The following NPAS3 variants were observed in gnomAD, a reference collection of about 807,000 sequenced individuals.
NPAS3 encodes the protein neuronal PAS domain-containing protein 3.
NPAS3 carries 14 observed loss-of-function variants against 73.1 expected under a neutral mutation model. That is an observed-to-expected ratio of 0.19 (90% confidence interval 0.13 to 0.30). The LOEUF (loss-of-function observed/expected upper bound fraction) is 0.30, where lower values mean the gene tolerates loss of function less well. Ranked by LOEUF, NPAS3 falls within the 10% of genes least tolerant of loss-of-function variation. The pLI, the probability that NPAS3 is intolerant of heterozygous loss-of-function variation, is 1.00. For missense variants in NPAS3, 1,096 were observed against 1,250.0 expected, an observed-to-expected ratio of 0.88 and a Z score of 1.86; for synonymous variants, 620 against 541.5, an observed-to-expected ratio of 1.14 and a Z score of -2.01.
At chr14:33,789,933 G>A (rs2063307876) in intron 9 of NPAS3, among the ~76,000 whole-genome samples, 1 of 152,128 alleles carries the variant, frequency 6.6e-6, no homozygotes. Context: ...GCTTTGACAC[G>A]ATCAGTGAAT....
intron 3 of NPAS3, among the ~76,000 whole-genome samples, chr14:33,317,677 G>A (rs1202735509): frequency 6.6e-6 from 1 of 152,028 alleles, no homozygotes; most frequent in African/African-American, 2.4e-5. Flanking sequence ...GTGTGAAGAA[G>A]GATGTATTTG....
intron 2 of NPAS3, among the ~76,000 whole-genome samples, chr14:33,131,349 A>G (rs933022917): frequency 4.9e-4 from 74 of 152,066 alleles, no homozygotes; most frequent in African/African-American, 1.6e-3. Flanking sequence ...AAATGACCCC[A>G]TTTGATATTC....
At chr14:33,470,804 C>G (rs1028308518) in intron 4 of NPAS3, among the ~76,000 whole-genome samples, 2 of 152,060 alleles carry the variant, frequency 1.3e-5, no homozygotes, top group African/African-American at 4.8e-5. Flanking sequence ...CTGAAGTTAA[C>G]TAGACACACT....
In NPAS3 at chr14:33,000,571, G is replaced by A. The variant is rs527978181; in HGVS notation, c.51-55334G>A. 8.5e-5 allele frequency among the ~76,000 whole-genome samples: 13 copies of A among 152,298 alleles called. No individual in the cohort carries two copies. The South Asian group carries it at 1.0e-3, about 12-fold the overall frequency. On this transcript the variant is annotated intron_variant, in intron 1 of 11. Coordinates refer to ENST00000356141, the Ensembl canonical transcript of NPAS3. Reference sequence around the variant, plus strand: ...GTTGGGTTTATGAAGCACTGACAGCGTAGGGCAATATATGAGGCATGTAGG... The same window carrying A: ...GTTGGGTTTATGAAGCACTGACAGCATAGGGCAATATATGAGGCATGTAGG...
At chr14:33,473,865 T>A (rs994959849) in intron 4 of NPAS3, among the ~76,000 whole-genome samples, 2 of 152,194 alleles carry the variant, frequency 1.3e-5, no homozygotes, top group African/African-American at 4.8e-5. Flanking sequence ...GCACTACAAT[T>A]GCAAAGTTAA....
chr14:33,499,826 G>C (rs1406068501), intron 4 of NPAS3, among the ~76,000 whole-genome samples: 1 of 151,868 alleles, frequency 6.6e-6, no homozygotes, highest in Non-Finnish European at 1.5e-5. Flanking sequence ...CATTTTTCTT[G>C]CTTTCCCGCT....
chr14:33,021,996 TGGCTGAAGTCGCA>T (rs904991325), intron 1 of NPAS3, among the ~76,000 whole-genome samples: 17 of 152,304 alleles, frequency 1.1e-4, no homozygotes, highest in African/African-American at 4.1e-4. Flanking sequence ...TTAGGTGGTG[TGGCTGAAGTCGCA>T]GGCTGGACAT....
At chr14:33,226,061 G>A (rs975261886) in intron 3 of NPAS3, among the ~76,000 whole-genome samples, 3 of 152,154 alleles carry the variant, frequency 2.0e-5, no homozygotes, top group African/African-American at 7.2e-5. Context: ...GCTATCCATA[G>A]ATGTATATGC....
At chr14:33,716,736 G>A (rs532952153) in intron 6 of NPAS3, among the ~76,000 whole-genome samples, 56 of 151,992 alleles carry the variant, frequency 3.7e-4, no homozygotes, top group African/African-American at 1.2e-3. Context: ...TTGTGTTTTG[G>A]AGTATTTTCC....
At chr14:33,128,734 T>C (rs943563704) in intron 2 of NPAS3, among the ~76,000 whole-genome samples, 16 of 152,128 alleles carry the variant, frequency 1.1e-4, no homozygotes, top group African/African-American at 3.9e-4. Flanking sequence ...AATGAATGAA[T>C]GAATTGAATA....
chr14:33,734,604 A>G (rs2061479414), intron 6 of NPAS3, among the ~76,000 whole-genome samples: 2 of 152,172 alleles, frequency 1.3e-5, no homozygotes, highest in South Asian at 2.1e-4. Flanking sequence ...GAAAGTTGGT[A>G]TCGTGAGTAG....
At chr14:33,380,382 C>T (rs2046494804) in intron 4 of NPAS3, among the ~76,000 whole-genome samples, 1 of 152,062 alleles carries the variant, frequency 6.6e-6, no homozygotes, top group South Asian at 2.1e-4. Flanking sequence ...GGACTCGCTA[C>T]TATCTTCTGT....
chr14:33,740,613 G>A (rs779777112), intron 7 of NPAS3, among the ~76,000 whole-genome samples: 4 of 152,188 alleles, frequency 2.6e-5, no homozygotes, highest in Non-Finnish European at 4.4e-5. Flanking sequence ...ACCGTGATCT[G>A]GCTCACATTT....
intron 2 of NPAS3, among the ~76,000 whole-genome samples, chr14:33,102,251 G>GC (rs1295480401): frequency 6.6e-6 from 1 of 152,142 alleles, no homozygotes; most frequent in Non-Finnish European, 1.5e-5. Flanking sequence ...ATAGAACAGA[G>GC]TACACAAGTA....
At position 33,378,528 on chromosome 14, in the gene NPAS3, C is replaced by T. The variant is rs544212897; in HGVS notation, c.468+11260C>T. Among the ~76,000 whole-genome samples, 342 of 152,140 alleles carry T rather than the reference C, an allele frequency of 2.2e-3. 1 individual carries two copies. Among genetic ancestry groups the T allele is most frequent in the African/African-American group, 7.7e-3 (321 of 41,504 alleles). ...GCACGTGCTTGTAATCCCAGCCACT[C>T]GGGAGGCTGAGGTAGGAGAATCGCT... On this transcript the variant is annotated intron_variant, in intron 4 of 11. Transcript: ENST00000356141.
intron 5 of NPAS3, among the ~76,000 whole-genome samples, chr14:33,644,155 A>G (rs1013709687): frequency 2.6e-5 from 4 of 152,220 alleles, no homozygotes; most frequent in African/African-American, 9.7e-5. Flanking sequence ...ACATGAGTTC[A>G]TAATATTTGC....
At chr14:33,687,490 TCTC>T (rs2060122496) in intron 6 of NPAS3, among the ~76,000 whole-genome samples, 2 of 152,182 alleles carry the variant, frequency 1.3e-5, no homozygotes, top group Admixed American at 1.3e-4. Context: ...CTCTACTTAC[TCTC>T]CTGTGTCCAG....
chr14:33,328,441 C>CTTT (rs1384752884), intron 3 of NPAS3, among the ~76,000 whole-genome samples: 1 of 71,998 alleles, frequency 1.4e-5, no homozygotes, highest in African/African-American at 5.0e-5. Flanking sequence ...TTTTCCTTTT[C>CTTT]TTTTCTTTTT....
intron 5 of NPAS3, among the ~76,000 whole-genome samples, chr14:33,572,669 G>A (rs937919692): frequency 2.6e-5 from 4 of 152,114 alleles, no homozygotes; most frequent in Non-Finnish European, 4.4e-5. Flanking sequence ...CAAATTATTC[G>A]TTTTATGTGT....
Sources: gnomAD v4.1 joint callset for allele counts (sites outside exome capture counted in the v4.1 genomes callset) on GRCh38, gnomAD v4.1.1 for gene constraint, MANE v1.5 for transcripts, NCBI Gene and HGNC (gene_info 2026-07-23, HGNC 2026-07-21) for gene names.